SGCZ: variants seen among roughly 807,000 people sequenced by gnomAD.
SGCZ encodes the protein sarcoglycan zeta.
Under a neutral mutation model 41.3 loss-of-function variants are expected in SGCZ, and 40 were observed. The observed-to-expected ratio is 0.97, with a 90% CI of 0.75 to 1.26. SGCZ has a LOEUF of 1.26. Among genes scored for constraint, SGCZ ranks in the 50% most tolerant of loss-of-function variants. SGCZ has a pLI of 0.00. For missense variants in SGCZ, 552 were observed against 369.8 expected, an observed-to-expected ratio of 1.49 and a Z score of -4.04; for synonymous variants, 206 against 137.5, an observed-to-expected ratio of 1.50 and a Z score of -3.49.
chr8:14,536,281 T>C (rs1803294234), intron 2 of SGCZ, among the ~76,000 whole-genome samples: 1 of 151,828 alleles, frequency 6.6e-6, no homozygotes, highest in Non-Finnish European at 1.5e-5. Flanking sequence ...AAAATACATC[T>C]TGTAAAAGTA....
At chr8:14,744,756 G>T (rs1174301625) in intron 1 of SGCZ, among the ~76,000 whole-genome samples, 1 of 152,144 alleles carries the variant, frequency 6.6e-6, no homozygotes, top group East Asian at 1.9e-4. Context: ...TATTGCTGAA[G>T]AAATACCTTT....
At chr8:14,975,156 A>T (rs1801422777) in intron 1 of SGCZ, among the ~76,000 whole-genome samples, 1 of 152,002 alleles carries the variant, frequency 6.6e-6, no homozygotes, top group African/African-American at 2.4e-5. Context: ...AATACAAAAG[A>T]TTAGCCAGGT....
intron 2 of SGCZ, among the ~76,000 whole-genome samples, chr8:14,444,875 T>C (rs978374923): frequency 2.6e-5 from 4 of 152,140 alleles, no homozygotes; most frequent in Non-Finnish European, 4.4e-5. Flanking sequence ...AAATGACTGT[T>C]AATACCTGTG....
chr8:14,980,130 T>C (rs1161117546), intron 1 of SGCZ, among the ~76,000 whole-genome samples: 1 of 152,172 alleles, frequency 6.6e-6, no homozygotes, highest in Non-Finnish European at 1.5e-5. Context: ...TGGCAAGACA[T>C]GGCCATGCAG....
chr8:14,783,129 A>G (rs73533003), intron 1 of SGCZ, among the ~76,000 whole-genome samples: 9,831 of 152,186 alleles, frequency 0.065, 670 homozygotes, highest in African/African-American at 0.17. Flanking sequence ...GGGAATTCCA[A>G]GAGATAGAAA....
chr8:14,251,728 A>G (rs1367329347), intron 3 of SGCZ, among the ~76,000 whole-genome samples: 2 of 152,232 alleles, frequency 1.3e-5, no homozygotes, highest in Non-Finnish European at 2.9e-5. Context: ...AAGAATTCAT[A>G]AAAAGGAAAA....
intron 1 of SGCZ, among the ~76,000 whole-genome samples, chr8:14,685,929 AC>A (rs1808596273): frequency 6.6e-6 from 1 of 152,164 alleles, no homozygotes. Context: ...TGACAGCAAG[AC>A]TTGGGTTTAG....
intron 1 of SGCZ, among the ~76,000 whole-genome samples, chr8:14,636,591 T>A (rs1278663379): frequency 4.0e-5 from 6 of 151,878 alleles, no homozygotes; most frequent in Non-Finnish European, 7.4e-5. Context: ...GGATAAAAGC[T>A]CAATTTAGGG....
rs1312079985 is a variant in SGCZ at position 14,909,515 on chromosome 8, T to C, written c.39+328070A>G. On this transcript the variant is annotated intron_variant, in intron 1 of 7. Transcript: ENST00000382080. ...AAATTATCTGTGTCTGATTTATCTG[T>C]GCTAACCATTCCCAAGTCTTATATT... Among the ~76,000 whole-genome samples the C allele has an allele frequency of 2.0e-5, 3 of 152,184 alleles. No homozygotes were observed. The South Asian group carries it at 6.2e-4, about 31-fold the overall frequency.
At chr8:14,906,024 T>C (rs1169052353) in intron 1 of SGCZ, among the ~76,000 whole-genome samples, 2 of 152,050 alleles carry the variant, frequency 1.3e-5, no homozygotes, top group Admixed American at 6.6e-5. Context: ...ATAAAGTATA[T>C]CAAAAGCCAA....
At chr8:14,587,062 T>A (rs577529404) in intron 1 of SGCZ, among the ~76,000 whole-genome samples, 4 of 152,152 alleles carry the variant, frequency 2.6e-5, no homozygotes, top group African/African-American at 9.6e-5. Context: ...ATTTTATTAT[T>A]CATTTATTTT....
intron 2 of SGCZ, among the ~76,000 whole-genome samples, chr8:14,360,973 A>G (rs959875938): frequency 1.3e-5 from 2 of 152,176 alleles, no homozygotes; most frequent in Non-Finnish European, 2.9e-5. Flanking sequence ...TATATTTTAT[A>G]TTAGCATTCT....
intron 2 of SGCZ, among the ~76,000 whole-genome samples, chr8:14,414,999 A>T (rs1425631461): frequency 1.3e-5 from 2 of 151,944 alleles, no homozygotes; most frequent in Non-Finnish European, 2.9e-5. Context: ...ATATTTTGGA[A>T]AATTGTGCTT....
At chr8:14,932,344 T>A (rs1799943631) in intron 1 of SGCZ, among the ~76,000 whole-genome samples, 1 of 152,044 alleles carries the variant, frequency 6.6e-6, no homozygotes, top group Non-Finnish European at 1.5e-5. Flanking sequence ...AGTTTTCTCT[T>A]TTCATTTCAG....
intron 1 of SGCZ, among the ~76,000 whole-genome samples, chr8:15,057,256 A>G (rs1172391162): frequency 6.6e-6 from 1 of 152,220 alleles, no homozygotes; most frequent in East Asian, 1.9e-4. Context: ...GAGCAAGAAT[A>G]TGCAGGAAGG....
At chr8:14,270,706 G>T (rs181088543) in intron 3 of SGCZ, among the ~76,000 whole-genome samples, 38 of 152,060 alleles carry the variant, frequency 2.5e-4, no homozygotes, top group African/African-American at 8.4e-4. Context: ...GAATAGTGCC[G>T]CAATAAACAC....
intron 1 of SGCZ, among the ~76,000 whole-genome samples, chr8:14,960,664 T>G (rs1265588346): frequency 1.3e-5 from 2 of 152,118 alleles, no homozygotes; most frequent in African/African-American, 4.8e-5. Flanking sequence ...GCTTGAATAT[T>G]ACTGAGTCAC....
chr8:14,661,941 C>G (rs1210471653), intron 1 of SGCZ, among the ~76,000 whole-genome samples: 1 of 151,982 alleles, frequency 6.6e-6, no homozygotes, highest in African/African-American at 2.4e-5. Context: ...ATTTTAAATA[C>G]ACAAGCATTT....
intron 1 of SGCZ, among the ~76,000 whole-genome samples, chr8:14,762,144 C>A (rs1003071714): frequency 6.6e-6 from 1 of 152,102 alleles, no homozygotes; most frequent in South Asian, 2.1e-4. Flanking sequence ...ATAGAGATTG[C>A]ATGAACATTT....
Sources: allele counts gnomAD v4.1 joint callset (sites outside exome capture counted in the v4.1 genomes callset), GRCh38; gene constraint gnomAD v4.1.1; transcripts MANE v1.5; gene names NCBI Gene and HGNC (gene_info 2026-07-23, HGNC 2026-07-21).